CLPB: variants seen among roughly 807,000 people sequenced by gnomAD.
CLPB encodes ClpB family mitochondrial disaggregase, also known as mitochondrial disaggregase.
A neutral mutation model predicts 78.4 loss-of-function variants in CLPB; 40 were observed. The observed-to-expected ratio is 0.51, with a 90% confidence interval of 0.40 to 0.66. CLPB has a LOEUF of 0.66. Among genes scored for constraint, CLPB ranks in the 30% least tolerant of loss-of-function variants. The pLI, the probability that CLPB is intolerant of heterozygous loss-of-function variation, is 0.00. For synonymous variants in CLPB, 333 were observed against 348.0 expected (o/e 0.96, Z 0.48); for missense variants, 780 against 886.9 (o/e 0.88, Z 1.53).
At chr11:72,423,694 C>G (rs962143911) in intron 2 of CLPB, among the ~76,000 whole-genome samples, 7 of 152,244 alleles carry the variant, frequency 4.6e-5, no homozygotes, top group Admixed American at 1.3e-4. Flanking sequence ...CTCACACATA[C>G]ACATACTGGC....
intron 4 of CLPB, among the ~76,000 whole-genome samples, chr11:72,363,920 C>T (rs1252764707): frequency 6.6e-6 from 1 of 152,208 alleles, no homozygotes; most frequent in Non-Finnish European, 1.5e-5. Flanking sequence ...GGCCTCTCAG[C>T]TTCCTCTCAC....
intron 10 of CLPB, 83 bp downstream of exon 10, chr11:72,302,221 C>T (rs959826247): frequency 2.1e-6 from 3 of 1,409,134 alleles, no homozygotes; most frequent in African/African-American, 2.8e-5. Context: ...CTGGAATTAT[C>T]TGAGGCCCAA....
Position 72,430,248 on chromosome 11 carries a change from G to A in CLPB, c.455+64C>T, listed in dbSNP as rs544863034. ...TTCCTCCAAAGCAAAGTCATCACAC[G>A]AGAAGAGGCTCGCCCTGCTCAGCCT... is the stretch of plus-strand genomic sequence containing the variant. On this transcript the variant is annotated intron_variant, in intron 2 of 15. Coordinates refer to ENST00000538039, the MANE Select transcript of CLPB (RefSeq NM_001258392.3). 113 of 1,485,428 alleles carry A rather than the reference G, an allele frequency of 7.6e-5. No homozygotes were observed. The Admixed American group carries it at 1.0e-3, about 13-fold the overall frequency. The allele number at this position is 1,485,428 out of a possible 1,614,324, so 92.0% of individuals were successfully genotyped here.
At chr11:72,421,466 C>T (rs1856196105) in intron 2 of CLPB, among the ~76,000 whole-genome samples, 2 of 152,142 alleles carry the variant, frequency 1.3e-5, no homozygotes, top group Admixed American at 6.5e-5. Flanking sequence ...CAGTGATGAC[C>T]GAAGGATGAG....
At chr11:72,296,509 G>T (rs946576280) in intron 11 of CLPB, among the ~76,000 whole-genome samples, 1 of 152,180 alleles carries the variant, frequency 6.6e-6, no homozygotes, top group Non-Finnish European at 1.5e-5. Context: ...TCAGTTGAAG[G>T]GTACAGAGCC....
At chr11:72,433,348 A>T (rs1856602194) in intron 1 of CLPB, among the ~76,000 whole-genome samples, 1 of 152,120 alleles carries the variant, frequency 6.6e-6, no homozygotes, top group South Asian at 2.1e-4. Context: ...TCAGGAGGTC[A>T]AGAGATCGAG....
At chr11:72,367,684 A>G (rs370606931) in intron 4 of CLPB, among the ~76,000 whole-genome samples, 2 of 152,276 alleles carry the variant, frequency 1.3e-5, no homozygotes, top group African/African-American at 2.4e-5. Flanking sequence ...GATGGGATCA[A>G]TTATACACCA....
chr11:72,305,227 T>C (rs1046650162), intron 9 of CLPB, among the ~76,000 whole-genome samples: 1 of 152,236 alleles, frequency 6.6e-6, no homozygotes, highest in Non-Finnish European at 1.5e-5. Flanking sequence ...ATTCTGGTTT[T>C]ATTTCTTCCC....
chr11:72,378,150 T>C (rs932614409), intron 4 of CLPB, among the ~76,000 whole-genome samples: 14 of 152,124 alleles, frequency 9.2e-5, no homozygotes, highest in Admixed American at 7.2e-4. Flanking sequence ...AACAAAAAAA[T>C]GTTTATTGAG....
At chr11:72,349,352 T>C (rs1307132056) in intron 5 of CLPB, among the ~76,000 whole-genome samples, 2 of 152,200 alleles carry the variant, frequency 1.3e-5, no homozygotes, top group Admixed American at 6.5e-5. Flanking sequence ...TCCTTTTTTC[T>C]GCTACATTTA....
chr11:72,402,463 A>G (rs1201798734), intron 3 of CLPB, among the ~76,000 whole-genome samples: 2 of 152,180 alleles, frequency 1.3e-5, no homozygotes, highest in African/African-American at 4.8e-5. Flanking sequence ...CAATCTTTAT[A>G]CAATAGCTAC....
At chr11:72,336,936 C>T (rs544231288) in intron 5 of CLPB, 1 of 396,076 alleles carries the variant, frequency 2.5e-6, no homozygotes, top group Non-Finnish European at 4.4e-6. Context: ...TTCTTCAAGG[C>T]CCAGTTCTCT....
chr11:72,287,817 C>A lies in CLPB; in HGVS notation c.*5550G>T, dbSNP rs756022481. The A allele has an allele frequency of 6.6e-6, 1 of 152,124 alleles. No homozygotes were observed. Among genetic ancestry groups the A allele is most frequent in the Non-Finnish European group, 1.5e-5 (1 of 68,026 alleles). The allele number at this position is 152,124 out of a possible 1,614,324, so 9.4% of individuals were successfully genotyped here. A position where few individuals can be genotyped will look rare whatever the true frequency, so the allele number is the denominator to read the frequency against. ...GTTGCCATAGAGTTCTATTCTTCTT[C>A]TCAATTCCTCAATATATATGGTTAT... On this transcript the variant is annotated 3_prime_UTR_variant, in exon 16 of 16. Transcript: ENST00000538039.
In CLPB at chr11:72,413,063, C is replaced by T. The variant is rs188446199; in HGVS notation, c.456-10011G>A. 9.9e-5 allele frequency among the ~76,000 whole-genome samples: 15 copies of T among 152,128 alleles called. 1 individual carries two copies. Among genetic ancestry groups the T allele is most frequent in the Non-Finnish European group, 1.3e-4 (9 of 67,984 alleles). Reference sequence around the variant, plus strand: ...CAGCACTTTGGGAGGCCAAGGCAGGCGAGTCACCTGAGGTCGGGAGTTCGA... The same window carrying T: ...CAGCACTTTGGGAGGCCAAGGCAGGTGAGTCACCTGAGGTCGGGAGTTCGA... On this transcript the variant is annotated intron_variant, in intron 2 of 15. Transcript: ENST00000538039.
At chr11:72,398,984 G>A (rs896364087) in intron 3 of CLPB, among the ~76,000 whole-genome samples, 1 of 152,030 alleles carries the variant, frequency 6.6e-6, no homozygotes, top group African/African-American at 2.4e-5. Context: ...ATCCCTGATA[G>A]CCTAGCACAT....
chr11:72,301,818 C>A lies in CLPB; in HGVS notation c.1314G>T (p.Leu438=). The A allele has an allele frequency of 1.2e-6, 2 of 1,614,068 alleles. No homozygotes were observed. The highest frequency in any genetic ancestry group is 1.7e-6 in the Non-Finnish European group (2 of 1,179,970). Residue 438 remains leucine (L), a synonymous_variant, in exon 11 of 16, where the codon CTG becomes CTT. Transcript: ENST00000538039. ...KAHPDVLTIM[L]QLFDEGRLTD... ...GGTGACTCACCTCATCAAACAGCTGCAGCATGATGGTGAGCACATCTGGAT... is the reference window on the plus strand; with the variant it reads ...GGTGACTCACCTCATCAAACAGCTGAAGCATGATGGTGAGCACATCTGGAT...
intron 4 of CLPB, among the ~76,000 whole-genome samples, chr11:72,363,842 C>T (rs1167805808): frequency 6.6e-6 from 1 of 152,186 alleles, no homozygotes; most frequent in Non-Finnish European, 1.5e-5. Context: ...AACTCAGGGT[C>T]GGTTGATACC....
chr11:72,322,650 T>C (rs1022144877), intron 6 of CLPB, among the ~76,000 whole-genome samples: 23 of 152,340 alleles, frequency 1.5e-4, no homozygotes, highest in Middle Eastern at 6.8e-3. Context: ...AAATACAGGC[T>C]ACTACAGGCA....
intron 2 of CLPB, among the ~76,000 whole-genome samples, chr11:72,414,570 A>G (rs1290860485): frequency 6.6e-6 from 1 of 152,188 alleles, no homozygotes; most frequent in East Asian, 1.9e-4. Flanking sequence ...TGTGGCCTTC[A>G]CTCACTCAAC....
Sources: allele counts gnomAD v4.1 joint callset (sites outside exome capture counted in the v4.1 genomes callset), GRCh38; gene constraint gnomAD v4.1.1; transcripts MANE v1.5; gene names NCBI Gene and HGNC (gene_info 2026-07-23, HGNC 2026-07-21).